The following C7orf57 variants were observed in gnomAD, a reference collection of about 807,000 sequenced individuals.
C7orf57 encodes the protein uncharacterized protein C7orf57.
A neutral mutation model predicts 39.0 loss-of-function variants in C7orf57; 33 were observed. The observed-to-expected ratio is 0.85, with a 90% CI of 0.64 to 1.13. The LOEUF is 1.13. Ranked by LOEUF, C7orf57 falls within the 50% of genes most tolerant of loss-of-function variation. C7orf57 has a pLI of 0.00. For synonymous variants in C7orf57, 124 were observed against 137.1 expected, an observed-to-expected ratio of 0.90 and a Z score of 0.67; for missense variants, 346 against 362.3, an observed-to-expected ratio of 0.95 and a Z score of 0.37.
intron 8 of C7orf57, among the ~76,000 whole-genome samples, chr7:48,058,640 C>T (rs531891222): frequency 6.6e-6 from 1 of 152,098 alleles, no homozygotes; most frequent in East Asian, 1.9e-4. Flanking sequence ...AATAAAAATA[C>T]TACTCTAACA....
intron 7 of C7orf57, among the ~76,000 whole-genome samples, chr7:48,054,320 A>G (rs1170095403): frequency 6.6e-6 from 1 of 151,216 alleles, no homozygotes; most frequent in Non-Finnish European, 1.5e-5. Flanking sequence ...AGGCTGAGGC[A>G]GGAGAATCAC....
intron 2 of C7orf57, 66 bp downstream of exon 2, chr7:48,036,429 C>G: frequency 4.3e-6 from 6 of 1,409,094 alleles, no homozygotes; most frequent in Non-Finnish European, 5.7e-6. Context: ...TTGCTAGACA[C>G]GCTGTGGACC....
intron 1 of C7orf57, among the ~76,000 whole-genome samples, 196 bp from the exon 2 acceptor site, chr7:48,036,012 G>A (rs1158171066): frequency 6.6e-6 from 1 of 151,980 alleles, no homozygotes; most frequent in Non-Finnish European, 1.5e-5. Flanking sequence ...GTGCCCTGCT[G>A]TCTACCCGGC....
At position 48,050,113 on chromosome 7, in the gene C7orf57, T is replaced by C. The variant is rs187345369; in HGVS notation, c.605+136T>C. The C allele has an allele frequency of 9.3e-4, 612 of 660,422 alleles. 1 individual carries two copies. In the African/African-American group the frequency reaches 9.5e-3, roughly 10 times the overall value. The allele number at this position is 660,422 out of a possible 1,614,324, so 40.9% of individuals were successfully genotyped here. On this transcript the variant is annotated intron_variant, in intron 6 of 8. Transcript: ENST00000348904. ...CCCTGTCTGTGGCCTGGCCTGGCTG[T>C]GCCTGTCGCCTCCTCACTGTGGTTT...
chr7:48,054,476 A>T, intron 7 of C7orf57, 119 bp from the exon 8 acceptor site: 14 of 644,522 alleles, frequency 2.2e-5, no homozygotes, highest in Admixed American at 3.0e-5. Context: ...AGAGTGTTTT[A>T]TGACTTATTG....
intron 6 of C7orf57, among the ~76,000 whole-genome samples, chr7:48,051,806 C>CT (rs1790918272): frequency 2.9e-5 from 2 of 68,108 alleles, no homozygotes; most frequent in South Asian, 5.5e-4. Context: ...TTCCTTCCTT[C>CT]CTTTTCTCTT....
chr7:48,044,847 C>T (rs1021352743), intron 4 of C7orf57, among the ~76,000 whole-genome samples: 1 of 152,190 alleles, frequency 6.6e-6, no homozygotes, highest in Non-Finnish European at 1.5e-5. Flanking sequence ...AACCACCTGT[C>T]GTGGATTGAG....
intron 6 of C7orf57, among the ~76,000 whole-genome samples, chr7:48,051,347 A>T (rs1368242106): frequency 5.7e-5 from 4 of 69,780 alleles, no homozygotes; most frequent in Admixed American, 2.0e-4. Flanking sequence ...CAGCTGGCTA[A>T]TTTTTTTTTT....
In C7orf57 at chr7:48,052,824, G is replaced by T; in HGVS notation, c.730G>T (p.Ala244Ser). 1 of 1,613,988 alleles carries T rather than the reference G, an allele frequency of 6.2e-7. No homozygotes were observed. ...SDKRTPKTSR[A>S]SVLSQSPRDL... is the part of the protein sequence containing the mutation. ...CAAGAGGACCCCGAAGACCTCCAGGGCATCAGTGTTATCTCAGTCCCCACG... is the reference window on the plus strand; with the variant it reads ...CAAGAGGACCCCGAAGACCTCCAGGTCATCAGTGTTATCTCAGTCCCCACG... The change falls in exon 7 of 9, where the codon GCA (alanine) becomes TCA (serine). Residue 244 changes from alanine to serine, a missense_variant. By Grantham distance (99) the Ala-to-Ser change is moderately conservative. Coordinates refer to ENST00000348904, the MANE Select transcript of C7orf57 (RefSeq NM_001100159.3).
chr7:48,051,864 TTTCTTTCTCTTTC>T (rs1562630355), intron 6 of C7orf57, among the ~76,000 whole-genome samples: 11 of 61,130 alleles, frequency 1.8e-4, no homozygotes, highest in South Asian at 1.6e-3. Flanking sequence ...TCTTTCTTTC[TTTCTTTCTCTTTC>T]TCTTTCTTTC....
chr7:48,053,334 A>G (rs1791016976), intron 7 of C7orf57, among the ~76,000 whole-genome samples: 1 of 152,250 alleles, frequency 6.6e-6, no homozygotes, highest in Non-Finnish European at 1.5e-5. Flanking sequence ...ATAAGTCAAA[A>G]TTCAAACTTA....
chr7:48,044,429 T>C (rs1157304719), intron 4 of C7orf57, among the ~76,000 whole-genome samples: 1 of 152,218 alleles, frequency 6.6e-6, no homozygotes, highest in Non-Finnish European at 1.5e-5. Flanking sequence ...CCCCCTTTGC[T>C]CTCAGGCAAT....
rs977066344 is a variant in C7orf57 at position 48,037,768 on chromosome 7, T to TGTGTGTGTGTGC, written c.55+1406_55+1407insTGTGTGTGTGCG. 2.2e-4 allele frequency among the ~76,000 whole-genome samples: 33 copies of TGTGTGTGTGTGC among 150,444 alleles called. No homozygotes were observed. The South Asian group carries it at 5.9e-3, about 27-fold the overall frequency. On this transcript the variant is annotated intron_variant, in intron 2 of 8. Coordinates refer to ENST00000348904, the MANE Select transcript of C7orf57 (RefSeq NM_001100159.3). ...AACCCTCTGTGTGTGTGTGTGTGTG[T>TGTGTGTGTGTGC]GCGCGCGCGTGCGTGTGTGTGAGGT...
Position 48,055,565 on chromosome 7 carries a change from C to T in C7orf57, c.841+959C>T, listed in dbSNP as rs569121622. On this transcript the variant is annotated intron_variant, in intron 8 of 8. Coordinates refer to ENST00000348904, the MANE Select transcript of C7orf57 (RefSeq NM_001100159.3). ...TGAAATAGATAATTAAAACTTAACT[C>T]CTCCTGTCTAAGGGAAACTTGGCAC... is the stretch of plus-strand genomic sequence containing the variant. 1.8e-3 allele frequency among the ~76,000 whole-genome samples: 277 copies of T among 152,282 alleles called. 2 individuals are homozygous for T. The highest frequency in any genetic ancestry group is 0.01 in the Middle Eastern group (3 of 294).
intron 5 of C7orf57, among the ~76,000 whole-genome samples, chr7:48,047,066 A>G (rs1373953090): frequency 6.6e-6 from 1 of 152,220 alleles, no homozygotes; most frequent in Non-Finnish European, 1.5e-5. Flanking sequence ...TTTGATCACA[A>G]AGGAGTGACT....
chr7:48,043,403 G>C, intron 3 of C7orf57, 78 bp from the exon 4 acceptor site: 1 of 1,068,834 alleles, frequency 9.4e-7, no homozygotes, highest in East Asian at 2.6e-5. Flanking sequence ...CTTGTAAATT[G>C]AGCCTATCAC....
At chr7:48,055,997 T>C (rs537521842) in intron 8 of C7orf57, among the ~76,000 whole-genome samples, 1 of 152,306 alleles carries the variant, frequency 6.6e-6, no homozygotes, top group African/African-American at 2.4e-5. Flanking sequence ...GTGGGATTGC[T>C]ATATCATACG....
intron 5 of C7orf57, among the ~76,000 whole-genome samples, chr7:48,047,345 C>A (rs201767366): frequency 1.3e-5 from 2 of 152,286 alleles, no homozygotes; most frequent in East Asian, 3.9e-4. Flanking sequence ...GTTCATATTA[C>A]AAATAACAAT....
At chr7:48,057,976 A>G (rs1791165213) in intron 8 of C7orf57, among the ~76,000 whole-genome samples, 1 of 152,112 alleles carries the variant, frequency 6.6e-6, no homozygotes, top group Non-Finnish European at 1.5e-5. Flanking sequence ...TTAACATTCT[A>G]TTAATGTAGT....
Sources: gnomAD v4.1 joint callset for allele counts (sites outside exome capture counted in the v4.1 genomes callset) on GRCh38, gnomAD v4.1.1 for gene constraint, MANE v1.5 for transcripts, NCBI Gene and HGNC (gene_info 2026-07-23, HGNC 2026-07-21) for gene names.